The following AKAP13 variants were observed in gnomAD, a reference collection of about 807,000 sequenced individuals.
AKAP13 encodes the protein A-kinase anchor protein 13.
In AKAP13, 80 loss-of-function variants were observed where a neutral mutation model predicts 264.5. That is an observed-to-expected ratio of 0.30 (90% confidence interval 0.25 to 0.36). AKAP13 has a LOEUF of 0.36. AKAP13 is among the 10% of genes least tolerant of loss of function. The pLI is 1.00. For synonymous variants in AKAP13, 1,380 were observed against 1,250.2 expected, an observed-to-expected ratio of 1.10 and a Z score of -2.19; for missense variants, 3,712 against 3,435.2, an observed-to-expected ratio of 1.08 and a Z score of -2.01.
chr15:85,576,229 T>C (rs1362511066), intron 6 of AKAP13, among the ~76,000 whole-genome samples: 2 of 152,190 alleles, frequency 1.3e-5, no homozygotes, highest in African/African-American at 4.8e-5. Context: ...GGCTTAACTT[T>C]ACAAAATGAA....
Position 85,579,489 on chromosome 15 carries a change from G to C in AKAP13, c.1421G>C (p.Ser474Thr), listed in dbSNP as rs149404999. 89 of 1,614,060 alleles carry C rather than the reference G, an allele frequency of 5.5e-5. No homozygotes were observed. The highest frequency in any genetic ancestry group is 7.4e-5 in the Non-Finnish European group (87 of 1,180,034). ...ELGGISTTNV[S>T]TPDTAGEMEH... Reference sequence around the variant, plus strand: ...GGAGGCATTTCAACAACAAATGTCAGTACCCCAGACACTGCAGGGGAAATG... The same window carrying C: ...GGAGGCATTTCAACAACAAATGTCACTACCCCAGACACTGCAGGGGAAATG... The change falls in exon 7 of 37, where the codon AGT becomes ACT. Residue 474 changes from serine (S) to threonine (T), a missense_variant. This residue lies in a region of AKAP13 where 2,759 missense variants were observed against 2,411.7 expected (regional missense o/e 1.14). Transcript: ENST00000394518.
rs898496835 is a variant in AKAP13 at position 85,457,061 on chromosome 15, C to T, written c.-11-28649C>T. 2.6e-5 allele frequency among the ~76,000 whole-genome samples: 4 copies of T among 152,278 alleles called. No homozygotes were observed. The East Asian group carries it at 7.7e-4, about 29-fold the overall frequency. The stretch of plus-strand genomic sequence containing the variant: ...AGTGTTACAAAGAGGACATGATCCC[C>T]TTTTTTCTGATCAGTAACTTGAACC... On this transcript the variant is annotated intron_variant, in intron 1 of 36. Transcript: ENST00000394518.
chr15:85,435,127 G>C (rs966623042), intron 1 of AKAP13, among the ~76,000 whole-genome samples: 1 of 134,188 alleles, frequency 7.5e-6, no homozygotes, highest in African/African-American at 2.8e-5. Context: ...AGTGCTTAAA[G>C]GAGCTGATGG....
chr15:85,405,101 A>G (rs575828425), intron 1 of AKAP13, among the ~76,000 whole-genome samples: 1 of 152,242 alleles, frequency 6.6e-6, no homozygotes, highest in South Asian at 2.1e-4. Context: ...TGTGACTTCT[A>G]AGTCTAGAGC....
At chr15:85,732,256 A>G (rs1301289351) in intron 30 of AKAP13, among the ~76,000 whole-genome samples, 3 of 151,954 alleles carry the variant, frequency 2.0e-5, no homozygotes, top group Non-Finnish European at 4.4e-5. Flanking sequence ...GGCTCATCTT[A>G]ATTGTTTTCT....
chr15:85,677,993 C>CT (rs1205401937), intron 14 of AKAP13, among the ~76,000 whole-genome samples: 13 of 151,922 alleles, frequency 8.6e-5, no homozygotes, highest in Non-Finnish European at 1.3e-4. Context: ...TCCTTTTGAA[C>CT]TTTTATTTTT....
Position 85,708,422 on chromosome 15 carries a change from C to T in AKAP13, c.5532+336C>T, listed in dbSNP as rs1161570913. 6.6e-6 allele frequency among the ~76,000 whole-genome samples: 1 copy of T among 152,142 alleles called. No individual in the cohort carries two copies. The highest frequency in any genetic ancestry group is 1.5e-5 in the Non-Finnish European group (1 of 68,032). On this transcript the variant is annotated intron_variant, in intron 18 of 36. Coordinates refer to ENST00000394518, the MANE Select transcript of AKAP13 (RefSeq NM_007200.5). The surrounding 1 kb of genome is among the most constrained non-coding windows in gnomAD (Gnocchi z 4.3). ...GCAGGCCTACCCTGCTGTTCATACA[C>T]CTGTCTTCCTCCTTCAGGACTATCA... is the stretch of plus-strand genomic sequence containing the variant.
intron 2 of AKAP13, among the ~76,000 whole-genome samples, chr15:85,488,689 C>T (rs1862544846): frequency 6.6e-6 from 1 of 152,120 alleles, no homozygotes; most frequent in African/African-American, 2.4e-5. Flanking sequence ...ACACTGCTGG[C>T]TTAGAACATG....
intron 1 of AKAP13, among the ~76,000 whole-genome samples, chr15:85,475,898 GC>G (rs763912674): frequency 1.4e-3 from 219 of 152,300 alleles, no homozygotes; most frequent in African/African-American, 4.3e-3. Flanking sequence ...TTCATTGGGG[GC>G]TCAGTACTGT....
chr15:85,701,974 G>A (rs548855487), intron 17 of AKAP13, among the ~76,000 whole-genome samples: 4 of 152,116 alleles, frequency 2.6e-5, no homozygotes, highest in African/African-American at 9.6e-5. Context: ...GGCCAGGCAC[G>A]GTGGCTCACG....
intron 10 of AKAP13, among the ~76,000 whole-genome samples, chr15:85,646,475 A>G (rs2082567167): frequency 6.6e-6 from 1 of 152,224 alleles, no homozygotes; most frequent in Non-Finnish European, 1.5e-5. Context: ...AAGTTATTTA[A>G]TGTGAAATTG....
intron 1 of AKAP13, among the ~76,000 whole-genome samples, chr15:85,439,813 A>C (rs1218559846): frequency 9.6e-6 from 1 of 104,322 alleles, no homozygotes; most frequent in East Asian, 3.1e-4. Flanking sequence ...CACTCTGGGG[A>C]CTGTGGTGGG....
intron 1 of AKAP13, among the ~76,000 whole-genome samples, chr15:85,460,162 A>G (rs145807755): frequency 3.3e-5 from 5 of 152,314 alleles, no homozygotes; most frequent in Non-Finnish European, 5.9e-5. Context: ...ATTTAACTCC[A>G]TATTAGTCTA....
At chr15:85,384,186 A>T (rs918930196) in intron 1 of AKAP13, among the ~76,000 whole-genome samples, 8 of 152,234 alleles carry the variant, frequency 5.3e-5, no homozygotes, top group African/African-American at 1.9e-4. Context: ...ACCTTTAAAA[A>T]TTACAGTTGG....
chr15:85,672,776 T>C (rs2083996980), intron 14 of AKAP13, among the ~76,000 whole-genome samples: 1 of 152,232 alleles, frequency 6.6e-6, no homozygotes, highest in Non-Finnish European at 1.5e-5. Flanking sequence ...GTCCATAGCA[T>C]ATTTTCTGTC....
intron 17 of AKAP13, among the ~76,000 whole-genome samples, chr15:85,705,811 TC>T (rs963428089): frequency 2.2e-5 from 3 of 136,706 alleles, no homozygotes; most frequent in Admixed American, 2.1e-4. Flanking sequence ...GCATCTTCCT[TC>T]CTCCCCAAGG....
chr15:85,424,933 C>T (rs1440785948), intron 1 of AKAP13, among the ~76,000 whole-genome samples: 1 of 152,158 alleles, frequency 6.6e-6, no homozygotes, highest in Non-Finnish European at 1.5e-5. Flanking sequence ...GCAGTTAGAA[C>T]ATACACAACA....
chr15:85,516,776 A>G (rs1567099465), intron 2 of AKAP13, among the ~76,000 whole-genome samples: 1 of 152,142 alleles, frequency 6.6e-6, no homozygotes, highest in Admixed American at 6.5e-5. Context: ...ATAATGGTTG[A>G]TTTCAGGTAT....
rs555339429 is a variant in AKAP13, at chr15:85,481,680, G to A, written c.-11-4030G>A. ...GGCTTTACTACTGAGTGGTGAAATTGCTGAACATACTTAAAACCACATCAT... is the reference window on the plus strand; with the variant it reads ...GGCTTTACTACTGAGTGGTGAAATTACTGAACATACTTAAAACCACATCAT... On this transcript the variant is annotated intron_variant, in intron 1 of 36. Coordinates refer to ENST00000394518, the MANE Select transcript of AKAP13 (RefSeq NM_007200.5). Among the ~76,000 whole-genome samples the A allele has an allele frequency of 4.1e-4, 63 of 152,274 alleles. No individual in the cohort carries two copies. The South Asian group carries it at 0.013, about 32-fold the overall frequency.
Sources: gnomAD v4.1 joint callset for allele counts (sites outside exome capture counted in the v4.1 genomes callset) on GRCh38, gnomAD v4.1.1 for gene constraint, gnomAD v4.1.1 regional missense constraint, Gnocchi (gnomAD v3.1) non-coding constraint, MANE v1.5 for transcripts, NCBI Gene and HGNC (gene_info 2026-07-23, HGNC 2026-07-21) for gene names.